Variants in ACOXL observed in about 807,000 individuals in gnomAD.
ACOXL encodes the protein acyl-coenzyme A oxidase-like protein.
ACOXL carries 70 observed loss-of-function variants against 71.9 expected under a neutral mutation model. The ratio of observed to expected loss-of-function variants is 0.97; its 90% CI spans 0.80 to 1.19. ACOXL has a LOEUF of 1.19. Ranked by LOEUF, ACOXL falls within the 50% of genes most tolerant of loss-of-function variation. The pLI is 0.00. For synonymous variants in ACOXL, 253 were observed against 281.6 expected, an observed-to-expected ratio of 0.90 and a Z score of 1.02; for missense variants, 703 against 736.3, an observed-to-expected ratio of 0.95 and a Z score of 0.52.
intron 12 of ACOXL, among the ~76,000 whole-genome samples, chr2:110,984,138 G>A (rs573530650): frequency 6.6e-6 from 1 of 152,248 alleles, no homozygotes; most frequent in Admixed American, 6.5e-5. Context: ...GCACCACTGC[G>A]CCTGGCCAAG....
Position 110,771,390 on chromosome 2 carries a change from G to A in ACOXL, c.75+2926G>A, listed in dbSNP as rs142607866. ...CTCAGGGAGCATGCCAGGCCCGTCT[G>A]TGTTTCCCTGGACCCCCCTTTCATG... On this transcript the variant is annotated intron_variant, in intron 2 of 17. Coordinates refer to ENST00000439055, the MANE Select transcript of ACOXL (RefSeq NM_001142807.4). Among the ~76,000 whole-genome samples, 197 of 152,284 alleles carry A rather than the reference G, an allele frequency of 1.3e-3. 3 individuals carry two copies. The highest frequency in any genetic ancestry group is 4.1e-3 in the African/African-American group (170 of 41,546).
chr2:110,940,697 T>C (rs2060836162), intron 12 of ACOXL, among the ~76,000 whole-genome samples: 1 of 152,196 alleles, frequency 6.6e-6, no homozygotes, highest in African/African-American at 2.4e-5. Context: ...TCTCCACAAA[T>C]TGATGTTTCC....
intron 10 of ACOXL, among the ~76,000 whole-genome samples, chr2:110,898,745 T>C (rs1471385512): frequency 6.6e-6 from 1 of 152,086 alleles, no homozygotes; most frequent in Non-Finnish European, 1.5e-5. Flanking sequence ...GCCAGTGCAA[T>C]AGGCAAGAAA....
At chr2:111,001,387 A>AAAAAC (rs138811808) in intron 14 of ACOXL, among the ~76,000 whole-genome samples, 10,129 of 151,002 alleles carry the variant, frequency 0.067, 447 homozygotes, top group East Asian at 0.24. Flanking sequence ...ACAAGTGGAG[A>AAAAAC]AAAACAAAAC....
chr2:110,823,704 C>G (rs927155604), intron 9 of ACOXL, among the ~76,000 whole-genome samples: 2 of 152,158 alleles, frequency 1.3e-5, no homozygotes, highest in Admixed American at 6.5e-5. Context: ...ATTTGCATTT[C>G]CCTGATGACA....
intron 14 of ACOXL, among the ~76,000 whole-genome samples, chr2:111,014,708 C>T (rs1310147369): frequency 1.3e-5 from 2 of 152,224 alleles, no homozygotes; most frequent in African/African-American, 2.4e-5. Flanking sequence ...AGGGATTGTA[C>T]TACCTGATTT....
At chr2:111,025,397 A>C (rs2064973742) in intron 14 of ACOXL, among the ~76,000 whole-genome samples, 1 of 152,212 alleles carries the variant, frequency 6.6e-6, no homozygotes. Flanking sequence ...ACTTAATCAG[A>C]AATTGCCCAG....
chr2:110,944,053 TTTTTTA>T (rs2061001136), intron 12 of ACOXL, among the ~76,000 whole-genome samples: 1 of 152,100 alleles, frequency 6.6e-6, no homozygotes, highest in Non-Finnish European at 1.5e-5. Context: ...ATACTTTTAT[TTTTTTA>T]TTTTTATTTT....
At position 110,777,394 on chromosome 2, in the gene ACOXL, G is replaced by A. The variant is rs73956447; in HGVS notation, c.76-7338G>A. Among the ~76,000 whole-genome samples, 472 of 152,284 alleles carry A rather than the reference G, an allele frequency of 3.1e-3. 2 individuals carry two copies. Among genetic ancestry groups the A allele is most frequent in the African/African-American group, 0.011 (448 of 41,544 alleles). ...CTCCATTAAATTATCATAGCAAATC[G>A]GAAAGTAAATATGGTGCTCATTTTA... On this transcript the variant is annotated intron_variant, in intron 2 of 17. Transcript: ENST00000439055.
chr2:110,922,209 G>GT (rs1489538562), intron 11 of ACOXL, among the ~76,000 whole-genome samples: 5 of 151,932 alleles, frequency 3.3e-5, no homozygotes, highest in African/African-American at 9.7e-5. Flanking sequence ...TATTTTGAAA[G>GT]TTTTTTTTGG....
At chr2:110,942,610 G>A (rs1470451365) in intron 12 of ACOXL, among the ~76,000 whole-genome samples, 3 of 152,064 alleles carry the variant, frequency 2.0e-5, no homozygotes, top group African/African-American at 7.2e-5. Context: ...ATGTGGCCAG[G>A]CGCCATGGTT....
intron 9 of ACOXL, among the ~76,000 whole-genome samples, chr2:110,835,898 G>A (rs548990551): frequency 1.2e-4 from 18 of 152,228 alleles, no homozygotes; most frequent in African/African-American, 1.9e-4. Flanking sequence ...GCTGGTCCTC[G>A]TTTTTGAGGT....
At chr2:110,876,777 A>G (rs559850135) in intron 10 of ACOXL, among the ~76,000 whole-genome samples, 2 of 152,260 alleles carry the variant, frequency 1.3e-5, no homozygotes, top group South Asian at 2.1e-4. Context: ...TCTTTCAGCA[A>G]TGTTTGTTTG....
intron 12 of ACOXL, among the ~76,000 whole-genome samples, chr2:110,949,678 T>A (rs2061251418): frequency 6.6e-6 from 1 of 152,182 alleles, no homozygotes; most frequent in Non-Finnish European, 1.5e-5. Context: ...CTCCCTGACA[T>A]TCTCTTGAGT....
At chr2:110,750,034 T>C (rs1678719577) in intron 1 of ACOXL, among the ~76,000 whole-genome samples, 1 of 152,182 alleles carries the variant, frequency 6.6e-6, no homozygotes. Flanking sequence ...CATCACATCG[T>C]ATTAGTGAGT....
intron 17 of ACOXL, among the ~76,000 whole-genome samples, chr2:111,103,057 G>A (rs1203843973): frequency 6.6e-6 from 1 of 152,162 alleles, no homozygotes; most frequent in Non-Finnish European, 1.5e-5. Context: ...TTGGGAGGCT[G>A]AGGAGGGCGG....
intron 14 of ACOXL, among the ~76,000 whole-genome samples, chr2:111,027,215 T>A (rs1308219174): frequency 6.6e-6 from 1 of 151,888 alleles, no homozygotes; most frequent in Non-Finnish European, 1.5e-5. Context: ...TTTAAACCCT[T>A]CTTATATAGG....
chr2:111,012,926 A>C (rs141681572), intron 14 of ACOXL, among the ~76,000 whole-genome samples: 34 of 152,350 alleles, frequency 2.2e-4, no homozygotes, highest in African/African-American at 7.9e-4. Flanking sequence ...AATCAGTAGA[A>C]TAAAGGTAAC....
intron 10 of ACOXL, among the ~76,000 whole-genome samples, chr2:110,891,108 T>TAGAAATTATTGTAGAAATACAATTA (rs1697883580): frequency 1.3e-5 from 2 of 152,194 alleles, no homozygotes; most frequent in African/African-American, 2.4e-5. Context: ...TTAATTTTTG[T>TAGAAATTATTGTAGAAATACAATTA]ATATTTATCT....
Sources: gnomAD v4.1 joint callset for allele counts (sites outside exome capture counted in the v4.1 genomes callset) on GRCh38, gnomAD v4.1.1 for gene constraint, MANE v1.5 for transcripts, NCBI Gene and HGNC (gene_info 2026-07-23, HGNC 2026-07-21) for gene names.